RGS3: variants seen among roughly 807,000 people sequenced by gnomAD.
RGS3 encodes the protein regulator of G protein signaling 3.
RGS3 carries 80 observed loss-of-function variants against 132.6 expected under a neutral mutation model. The ratio of observed to expected loss-of-function variants is 0.60; its 90% CI spans 0.50 to 0.73. RGS3 has a LOEUF of 0.73. Among genes scored for constraint, RGS3 ranks in the 30% least tolerant of loss-of-function variants. The pLI, the probability that RGS3 is intolerant of heterozygous loss-of-function variation, is 0.00. For missense variants in RGS3, 1,382 were observed against 1,530.8 expected (o/e 0.90, Z 1.62); for synonymous variants, 598 against 620.6 (o/e 0.96, Z 0.54).
At chr9:113,504,231 A>G (rs1464506032) in intron 10 of RGS3, among the ~76,000 whole-genome samples, 2 of 152,200 alleles carry the variant, frequency 1.3e-5, no homozygotes, top group African/African-American at 4.8e-5. Flanking sequence ...TCTCCTGACA[A>G]GGCTTGTGCC....
rs190525255 is a variant in RGS3 at position 113,567,911 on chromosome 9, G to A, written c.2038-15539G>A. Among the ~76,000 whole-genome samples the A allele has an allele frequency of 3.3e-5, 5 of 152,358 alleles. No individual in the cohort carries two copies. The East Asian group carries it at 7.7e-4, about 23-fold the overall frequency. ...CTCCCTCAGAAGAGGCACAGCTGAA[G>A]AGAGAGTGCCTATCCCCAGCTGGGT... On this transcript the variant is annotated intron_variant, in intron 19 of 24. Coordinates refer to ENST00000350696, the Ensembl canonical transcript of RGS3.
chr9:113,491,489 G>A (rs921514612), intron 7 of RGS3, among the ~76,000 whole-genome samples: 1 of 151,914 alleles, frequency 6.6e-6, no homozygotes, highest in East Asian at 1.9e-4. Context: ...GACCTCAGGT[G>A]ATCCACCCGC....
chr9:113,475,225 T>C (rs1361250785), intron 3 of RGS3, among the ~76,000 whole-genome samples: 1 of 152,096 alleles, frequency 6.6e-6, no homozygotes. Flanking sequence ...CTTTTGCACA[T>C]AGTGTTGGTG....
In RGS3 at chr9:113,591,702, C is replaced by T. The variant is rs1388480249; in HGVS notation, c.3080+305C>T. The T allele has an allele frequency of 1.1e-5, 4 of 360,770 alleles. No individual in the cohort carries two copies. Among genetic ancestry groups the T allele is most frequent in the Admixed American group, 7.3e-5 (2 of 27,402 alleles). 22.3% of individuals were successfully genotyped at this position (360,770 alleles called of 1,614,324 possible). ...CCCAGCTTCTGAGCCAAGCAGGGACCAAGTGACTTCAACAACTCCTTTGCT... is the reference window on the plus strand; with the variant it reads ...CCCAGCTTCTGAGCCAAGCAGGGACTAAGTGACTTCAACAACTCCTTTGCT... On this transcript the variant is annotated intron_variant, in intron 21 of 24. Coordinates refer to ENST00000350696, the Ensembl canonical transcript of RGS3. This position sits in a 1 kb window ranked among gnomAD's most constrained non-coding sequence, Gnocchi z 4.4.
chr9:113,466,141 G>T (rs527335754), intron 3 of RGS3, among the ~76,000 whole-genome samples: 1 of 152,210 alleles, frequency 6.6e-6, no homozygotes, highest in Admixed American at 6.5e-5. Context: ...GCCATAGAGC[G>T]TTCAGACTGT....
chr9:113,515,987 G>A (rs980740351), intron 15 of RGS3, among the ~76,000 whole-genome samples: 69 of 152,234 alleles, frequency 4.5e-4, no homozygotes, highest in African/African-American at 1.7e-3. Context: ...TTTTCCTTGG[G>A]AGAGATTGCT....
At chr9:113,459,498 C>G (rs1829424178), upstream of RGS3, among the ~76,000 whole-genome samples, 1 of 152,036 alleles carries the variant, frequency 6.6e-6, no homozygotes, top group African/African-American at 2.4e-5. Context: ...GCCTATAATC[C>G]CAGCGCTGTG....
chr9:113,525,600 A>G (rs1240411951), intron 17 of RGS3, among the ~76,000 whole-genome samples: 1 of 152,216 alleles, frequency 6.6e-6, no homozygotes, highest in African/African-American at 2.4e-5. Flanking sequence ...TCAAACCACC[A>G]TGTATGCAGA....
rs187250955 is a variant in RGS3 at position 113,546,060 on chromosome 9, G to C, written c.2037+9142G>C. Among the ~76,000 whole-genome samples, 33 of 152,306 alleles carry C rather than the reference G, an allele frequency of 2.2e-4. No individual in the cohort carries two copies. In the East Asian group the frequency reaches 4.4e-3, roughly 20 times the overall value. ...CACTCCTGCTTAAAGACCATTGTGG[G>C]AGGCCACTGTCTTCAGAGTAAAGCT... On this transcript the variant is annotated intron_variant, in intron 19 of 24. Coordinates refer to ENST00000350696, the Ensembl canonical transcript of RGS3.
At chr9:113,496,343 C>T (rs1253126907) in intron 8 of RGS3, among the ~76,000 whole-genome samples, 1 of 152,150 alleles carries the variant, frequency 6.6e-6, no homozygotes, top group African/African-American at 2.4e-5. Context: ...AGACTCCTAG[C>T]TCTGGGTCAC....
intron 17 of RGS3, among the ~76,000 whole-genome samples, chr9:113,525,290 T>C (rs967434681): frequency 6.6e-6 from 1 of 152,178 alleles, no homozygotes; most frequent in African/African-American, 2.4e-5. Context: ...CAGGCACCGA[T>C]AGAGCCCTTG....
intron 14 of RGS3, among the ~76,000 whole-genome samples, chr9:113,509,753 G>T (rs1419592445): frequency 6.6e-6 from 1 of 152,132 alleles, no homozygotes; most frequent in Non-Finnish European, 1.5e-5. Flanking sequence ...CTTCTAGGGG[G>T]TAGTTGGAAA....
At chr9:113,459,600 A>G (rs1829426812), upstream of RGS3, among the ~76,000 whole-genome samples, 1 of 152,144 alleles carries the variant, frequency 6.6e-6, no homozygotes, top group African/African-American at 2.4e-5. Flanking sequence ...AAATACAAAA[A>G]TTAGCTAGGT....
intron 19 of RGS3, chr9:113,580,687 C>A: frequency 2.0e-6 from 1 of 507,480 alleles, no homozygotes; most frequent in Non-Finnish European, 2.5e-6. Flanking sequence ...TGGGTAGGTG[C>A]CCTCTGGGGG....
intron 4 of RGS3, among the ~76,000 whole-genome samples, chr9:113,481,233 C>T (rs1830148914): frequency 6.6e-6 from 1 of 152,172 alleles, no homozygotes; most frequent in African/African-American, 2.4e-5. Flanking sequence ...TTGCTTTCTC[C>T]TTTGTGTCTT....
At chr9:113,477,115 C>T (rs147205889) in intron 3 of RGS3, among the ~76,000 whole-genome samples, 234 of 152,268 alleles carry the variant, frequency 1.5e-3, no homozygotes, top group Non-Finnish European at 2.8e-3. Flanking sequence ...GAAGTAATTG[C>T]TCAGACTTTG....
chr9:113,505,427 A>G lies in RGS3; in HGVS notation c.898-15A>G, dbSNP rs1831085352. On this transcript the variant is annotated splice_polypyrimidine_tract_variant and intron_variant, in intron 10 of 24. Coordinates refer to ENST00000350696, the Ensembl canonical transcript of RGS3. ...CTCCAGCTTCTGGCAGTGACCGGGCAGGGCTGTGTCCTAGATCACCATCCC... is the reference window on the plus strand; with the variant it reads ...CTCCAGCTTCTGGCAGTGACCGGGCGGGGCTGTGTCCTAGATCACCATCCC... The G allele has an allele frequency of 1.2e-6, 2 of 1,613,374 alleles. No homozygotes were observed. The highest frequency in any genetic ancestry group is 4.5e-5 in the East Asian group (2 of 44,870).
chr9:113,519,703 T>G (rs1831845362), intron 16 of RGS3, among the ~76,000 whole-genome samples: 1 of 151,764 alleles, frequency 6.6e-6, no homozygotes, highest in African/African-American at 2.4e-5. Context: ...TGGGAAGGGC[T>G]AAATTGTAGA....
chr9:113,587,362 G>A (rs1835170436), intron 20 of RGS3, among the ~76,000 whole-genome samples: 1 of 152,218 alleles, frequency 6.6e-6, no homozygotes, highest in South Asian at 2.1e-4. Context: ...TGCCAGGCAA[G>A]AGGTGAAGAG....
Sources: allele counts gnomAD v4.1 joint callset (sites outside exome capture counted in the v4.1 genomes callset), GRCh38; gene constraint gnomAD v4.1.1; non-coding constraint Gnocchi (gnomAD v3.1); transcripts MANE v1.5; gene names NCBI Gene and HGNC (gene_info 2026-07-23, HGNC 2026-07-21).